Variants in TADA1 observed in about 807,000 individuals in gnomAD.
TADA1 encodes transcriptional adapter 1.
TADA1 carries 23 observed loss-of-function variants against 39.3 expected under a neutral mutation model. The ratio of observed to expected loss-of-function variants is 0.58; its 90% CI spans 0.42 to 0.83. The LOEUF (loss-of-function observed/expected upper bound fraction) is 0.83. TADA1 is among the 40% of genes least tolerant of loss of function. The pLI, the probability that TADA1 is intolerant of heterozygous loss-of-function variation, is 0.00. For missense variants in TADA1, 352 were observed against 408.1 expected, an observed-to-expected ratio of 0.86 and a Z score of 1.18; for synonymous variants, 137 against 151.8, an observed-to-expected ratio of 0.90 and a Z score of 0.72.
At chr1:166,864,404 G>A (rs776618248) in intron 3 of TADA1, among the ~76,000 whole-genome samples, 3 of 152,146 alleles carry the variant, frequency 2.0e-5, no homozygotes, top group Non-Finnish European at 4.4e-5. Context: ...GTGCAGACTC[G>A]TGAAGCAGAC....
At chr1:166,867,136 T>C (rs1229093872) in intron 3 of TADA1, among the ~76,000 whole-genome samples, 4 of 152,220 alleles carry the variant, frequency 2.6e-5, no homozygotes, top group African/African-American at 9.6e-5. Context: ...ACTTATTTTA[T>C]AAATTTGAAA....
At chr1:166,859,581 T>C (rs1658361797) in intron 6 of TADA1, among the ~76,000 whole-genome samples, 1 of 151,944 alleles carries the variant, frequency 6.6e-6, no homozygotes, top group Non-Finnish European at 1.5e-5. Context: ...GGTTGTTTCA[T>C]AAAGGGGTGA....
At chr1:166,870,158 A>G (rs919948951) in intron 1 of TADA1, among the ~76,000 whole-genome samples, 6 of 152,224 alleles carry the variant, frequency 3.9e-5, no homozygotes, top group Admixed American at 1.3e-4. Flanking sequence ...CCCCCACAAA[A>G]GTCCTGTGTT....
At position 166,869,934 on chromosome 1, in the gene TADA1, G is replaced by A. The variant is rs1557910896; in HGVS notation, c.75-80C>T. On this transcript the variant is annotated intron_variant, in intron 1 of 7. Coordinates refer to ENST00000367874, the MANE Select transcript of TADA1 (RefSeq NM_053053.4). ...TTTGTTTGTTTTGTTTTTTTAAAGA[G>A]ACGGGGTTTTTTATTCTGTCACTCA... The A allele has an allele frequency of 7.9e-6, 10 of 1,266,114 alleles. No homozygotes were observed. The Admixed American group carries it at 1.1e-4, about 14-fold the overall frequency. 78.4% of individuals were successfully genotyped at this position (1,266,114 alleles called of 1,614,324 possible).
Position 166,857,713 on chromosome 1 carries a change from T to C in TADA1, c.862A>G (p.Arg288Gly), listed in dbSNP as rs1236038923. The change falls in exon 8 of 8, where the codon AGG becomes GGG. Residue 288 changes from arginine (R) to glycine (G), a missense_variant. Coordinates refer to ENST00000367874, the MANE Select transcript of TADA1 (RefSeq NM_053053.4). ...ACAGTATGTGTAGGGATGACTTCCC[T>C]GTGCACCTGGGATTAAAAAATTAAC... ...YDLFEALQVH[R>G]EVIPTHTVYA... The C allele has an allele frequency of 6.2e-7, 1 of 1,610,642 alleles. No homozygotes were observed. The highest frequency in any genetic ancestry group is 2.2e-5 in the East Asian group (1 of 44,848).
chr1:166,862,303 G>A lies in TADA1; in HGVS notation c.440C>T (p.Thr147Ile). Residue 147 changes from threonine to isoleucine, a missense_variant, in exon 5 of 8, where the codon ACT becomes ATT. Physicochemically the swap from Thr to Ile is moderately conservative, Grantham distance 89. Around this residue, in one of 3 missense-constraint regions of TADA1, gnomAD observed 285 missense variants for 310.9 expected, o/e 0.92. Transcript: ENST00000367874. ...CATTCTCCCTTCAAGCTGGCCTCGA[G>A]TGGGAAGCATCATTGTGTGGGAACA... ...KLCSHTMMLP[T>I]RGQLEGRMIV... The A allele has an allele frequency of 6.2e-7, 1 of 1,614,198 alleles. No individual in the cohort carries two copies. The highest frequency in any genetic ancestry group is 1.1e-5 in the South Asian group (1 of 91,084).
rs541004336 is a variant in TADA1, at chr1:166,858,559, TAC to T, written c.693-280_693-279del. On this transcript the variant is annotated intron_variant, in intron 6 of 7. Transcript: ENST00000367874. ...GTTGAAAAAACTAACAGACCTTAAC[TAC>T]AGGAATATAACATTCAAAACAAATA... Among the ~76,000 whole-genome samples, 284 of 152,212 alleles carry T rather than the reference TAC, an allele frequency of 1.9e-3. 2 individuals are homozygous for T. Among genetic ancestry groups the T allele is most frequent in the Admixed American group, 4.4e-3 (68 of 15,286 alleles).
At chr1:166,875,105 T>G (rs1339674334) in intron 1 of TADA1, among the ~76,000 whole-genome samples, 1 of 152,212 alleles carries the variant, frequency 6.6e-6, no homozygotes, top group Non-Finnish European at 1.5e-5. Flanking sequence ...AAAGTATGCA[T>G]CCACTGAGTA....
At chr1:166,864,063 C>A in intron 3 of TADA1, 142 bp from the exon 4 acceptor site, 5 of 649,900 alleles carry the variant, frequency 7.7e-6, no homozygotes, top group South Asian at 6.6e-5. Context: ...CCTTCTCTTT[C>A]TACTTCTCTA....
chr1:166,859,018 G>A (rs1275973776), intron 6 of TADA1, among the ~76,000 whole-genome samples: 1 of 152,234 alleles, frequency 6.6e-6, no homozygotes, highest in Non-Finnish European at 1.5e-5. Flanking sequence ...GCTACAAGGA[G>A]CCACTTTTGG....
chr1:166,872,673 CAA>C lies in TADA1; in HGVS notation c.75-2821_75-2820del, dbSNP rs1031549785. On this transcript the variant is annotated intron_variant, in intron 1 of 7. Coordinates refer to ENST00000367874, the MANE Select transcript of TADA1 (RefSeq NM_053053.4). The stretch of plus-strand genomic sequence containing the variant: ...GGCAACAAGAGCAAAACTCTGTCTC[CAA>C]AAAAAAAAACCAAAGTGATCTGCAC... 4.3e-5 allele frequency among the ~76,000 whole-genome samples: 6 copies of C among 140,474 alleles called. No individual in the cohort carries two copies. In the East Asian group the frequency reaches 1.2e-3, roughly 29 times the overall value. 92.2% of individuals were successfully genotyped at this position (140,474 alleles called of 152,430 possible).
intron 3 of TADA1, among the ~76,000 whole-genome samples, chr1:166,864,354 A>G (rs1337480571): frequency 6.6e-6 from 1 of 152,204 alleles, no homozygotes; most frequent in Non-Finnish European, 1.5e-5. Flanking sequence ...AGTGGCAGAC[A>G]CGATGAGATG....
chr1:166,864,961 T>C (rs1355389007), intron 3 of TADA1, among the ~76,000 whole-genome samples: 1 of 152,226 alleles, frequency 6.6e-6, no homozygotes, highest in Admixed American at 6.5e-5. Flanking sequence ...AGGCTTCCTG[T>C]CAGCTTACTC....
chr1:166,863,459 G>A (rs1011238882), intron 4 of TADA1, among the ~76,000 whole-genome samples: 1 of 152,080 alleles, frequency 6.6e-6, no homozygotes, highest in Non-Finnish European at 1.5e-5. Flanking sequence ...GGGCCCAGCT[G>A]GACATCACCA....
chr1:166,862,157 T>C (rs1441127685), intron 5 of TADA1, 46 bp downstream of exon 5: 2 of 1,568,716 alleles, frequency 1.3e-6, no homozygotes, highest in African/African-American at 2.7e-5. Context: ...CACACAAGCC[T>C]ATCACATTCA....
chr1:166,865,825 AAAAAG>A (rs1658519564), intron 3 of TADA1, among the ~76,000 whole-genome samples: 1 of 152,268 alleles, frequency 6.6e-6, no homozygotes, highest in African/African-American at 2.4e-5. Flanking sequence ...CCTCCAAAAA[AAAAAG>A]AAAACTCAAA....
In TADA1 at chr1:166,857,369, A is replaced by G; in HGVS notation, c.*198T>C. 1 of 606,940 alleles carries G rather than the reference A, an allele frequency of 1.6e-6. No homozygotes were observed. The highest frequency in any genetic ancestry group is 2.2e-5 in the South Asian group (1 of 45,712). 37.6% of individuals were successfully genotyped at this position (606,940 alleles called of 1,614,324 possible). On this transcript the variant is annotated 3_prime_UTR_variant, in exon 8 of 8. Transcript: ENST00000367874. ...TGCTCCCACAACTGGGAACACATACATATAGAGATATGGGTCATTACCAAA... is the reference window on the plus strand; with the variant it reads ...TGCTCCCACAACTGGGAACACATACGTATAGAGATATGGGTCATTACCAAA...
rs527481218 is a variant in TADA1 at position 166,856,757 on chromosome 1, T to C, written c.*810A>G. On this transcript the variant is annotated 3_prime_UTR_variant, in exon 8 of 8. Transcript: ENST00000367874. ...ACTTCATCACTTGAAACGGTAGAAA[T>C]AGGTACCTCCTAGAAACTGGAGAAT... 3 of 152,752 alleles carry C rather than the reference T, an allele frequency of 2.0e-5. No individual in the cohort carries two copies. The highest frequency in any genetic ancestry group is 1.9e-4 in the East Asian group (1 of 5,190). 9.5% of individuals were successfully genotyped at this position (152,752 alleles called of 1,614,324 possible). A position where few individuals can be genotyped will look rare whatever the true frequency, so the allele number is the denominator to read the frequency against.
At chr1:166,872,185 A>G (rs936044247) in intron 1 of TADA1, among the ~76,000 whole-genome samples, 1 of 152,164 alleles carries the variant, frequency 6.6e-6, no homozygotes, top group African/African-American at 2.4e-5. Flanking sequence ...TTTAATCCTC[A>G]ATGGTGGAGG....
Sources: gnomAD v4.1 joint callset for allele counts (sites outside exome capture counted in the v4.1 genomes callset) on GRCh38, gnomAD v4.1.1 for gene constraint, gnomAD v4.1.1 regional missense constraint, MANE v1.5 for transcripts, NCBI Gene and HGNC (gene_info 2026-07-23, HGNC 2026-07-21) for gene names.